KSR2: variants seen among roughly 807,000 people sequenced by gnomAD.
KSR2 encodes kinase suppressor of ras 2.
In KSR2, 25 loss-of-function variants were observed where a neutral mutation model predicts 107.8. The ratio of observed to expected loss-of-function variants is 0.23; its 90% CI spans 0.17 to 0.32. KSR2 has a LOEUF of 0.32. Ranked by LOEUF, KSR2 falls within the 10% of genes least tolerant of loss-of-function variation. The pLI, the probability that KSR2 is intolerant of heterozygous loss-of-function variation, is 1.00. For synonymous variants in KSR2, 480 were observed against 507.0 expected, an observed-to-expected ratio of 0.95 and a Z score of 0.71; for missense variants, 887 against 1,268.9, an observed-to-expected ratio of 0.70 and a Z score of 4.57.
At chr12:117,549,037 T>C (rs1877090236) in intron 9 of KSR2, among the ~76,000 whole-genome samples, 1 of 152,220 alleles carries the variant, frequency 6.6e-6, no homozygotes, top group Non-Finnish European at 1.5e-5. Flanking sequence ...TAGGCAAGGT[T>C]ATGCTGTAGT....
chr12:117,866,529 T>TA (rs777356144), intron 1 of KSR2, among the ~76,000 whole-genome samples: 3 of 152,210 alleles, frequency 2.0e-5, no homozygotes, highest in Admixed American at 6.5e-5. Context: ...ACATGTATGT[T>TA]AAAAAATTGA....
intron 1 of KSR2, among the ~76,000 whole-genome samples, chr12:117,864,534 G>A (rs899177215): frequency 2.6e-5 from 4 of 152,174 alleles, no homozygotes; most frequent in Non-Finnish European, 5.9e-5. Flanking sequence ...TAGTTTACTA[G>A]GACTGCTGTA....
intron 1 of KSR2, among the ~76,000 whole-genome samples, chr12:117,911,993 G>A (rs1895031074): frequency 6.6e-6 from 1 of 152,206 alleles, no homozygotes; most frequent in Non-Finnish European, 1.5e-5. Context: ...ACTAATGTGT[G>A]TTAAACATGT....
intron 4 of KSR2, among the ~76,000 whole-genome samples, chr12:117,760,616 G>A (rs1413596606): frequency 1.3e-5 from 2 of 152,156 alleles, no homozygotes; most frequent in African/African-American, 4.8e-5. Context: ...GCAGGGGTTG[G>A]CAAACGTTTT....
intron 14 of KSR2, among the ~76,000 whole-genome samples, chr12:117,506,765 C>T (rs1372324044): frequency 6.6e-6 from 1 of 152,126 alleles, no homozygotes; most frequent in Non-Finnish European, 1.5e-5. Context: ...GGTTCCCAGT[C>T]CTGCTTCCAT....
In KSR2 at chr12:117,968,368, G is replaced by A; in HGVS notation, c.-113C>T. The A allele has an allele frequency of 1.4e-6, 2 of 1,389,324 alleles. No individual in the cohort carries two copies. Among genetic ancestry groups the A allele is most frequent in the South Asian group, 3.5e-5 (2 of 57,284 alleles). The allele number at this position is 1,389,324 out of a possible 1,614,324, so 86.1% of individuals were successfully genotyped here. On this transcript the variant is annotated 5_prime_UTR_variant, in exon 1 of 20. Transcript: ENST00000339824. ...CCAACCACTGCGACTTCTCAACAATGTCTCATGAAGAAGAAATCCAACATC... is the reference window on the plus strand; with the variant it reads ...CCAACCACTGCGACTTCTCAACAATATCTCATGAAGAAGAAATCCAACATC...
intron 14 of KSR2, among the ~76,000 whole-genome samples, chr12:117,519,680 T>A (rs1874613248): frequency 6.6e-6 from 1 of 152,032 alleles, no homozygotes; most frequent in East Asian, 1.9e-4. Context: ...ATAGAGTGTG[T>A]GCATTTCTTT....
chr12:117,760,457 T>C (rs1211627601), intron 4 of KSR2, among the ~76,000 whole-genome samples: 1 of 151,156 alleles, frequency 6.6e-6, no homozygotes, highest in African/African-American at 2.5e-5. Context: ...TGTTAAGATA[T>C]TATAATTTTG....
At chr12:117,625,782 C>T (rs879079366) in intron 5 of KSR2, among the ~76,000 whole-genome samples, 2 of 152,126 alleles carry the variant, frequency 1.3e-5, no homozygotes, top group African/African-American at 2.4e-5. Flanking sequence ...GGAATGGTAC[C>T]AGCTCATCTT....
At chr12:117,949,007 T>A (rs924341445) in intron 1 of KSR2, among the ~76,000 whole-genome samples, 3 of 152,012 alleles carry the variant, frequency 2.0e-5, no homozygotes, top group African/African-American at 4.8e-5. Flanking sequence ...GGCAGGAGAA[T>A]CGCTTGAACC....
intron 3 of KSR2, among the ~76,000 whole-genome samples, chr12:117,819,383 G>A (rs554271952): frequency 6.6e-6 from 1 of 152,336 alleles, no homozygotes; most frequent in East Asian, 1.9e-4. Flanking sequence ...GGCGTCGTAG[G>A]TGCCTCAGGG....
At position 117,897,296 on chromosome 12, in the gene KSR2, C is replaced by A. The variant is rs1477635985; in HGVS notation, c.181-36865G>T. On this transcript the variant is annotated intron_variant, in intron 1 of 19. Coordinates refer to ENST00000339824, the MANE Select transcript of KSR2 (RefSeq NM_173598.6). The surrounding 1 kb of genome is among the most constrained non-coding windows in gnomAD (Gnocchi z 4.5). ...AGGAAATACTTGCCAACTAAGAATACCTTTGGCAGTCAGCACACCATGCTG... is the reference window on the plus strand; with the variant it reads ...AGGAAATACTTGCCAACTAAGAATAACTTTGGCAGTCAGCACACCATGCTG... Among the ~76,000 whole-genome samples, 1 of 152,136 alleles carries A rather than the reference C, an allele frequency of 6.6e-6. No homozygotes were observed. Among genetic ancestry groups the A allele is most frequent in the Non-Finnish European group, 1.5e-5 (1 of 68,034 alleles).
chr12:117,645,897 GTGTGTGTGTGTGTGT>G (rs1565942324), intron 5 of KSR2, among the ~76,000 whole-genome samples: 12 of 151,120 alleles, frequency 7.9e-5, no homozygotes, highest in African/African-American at 2.9e-4. Context: ...GTGTGTGTGT[GTGTGTGTGTGTGTGT>G]GTACAGCTGT....
chr12:117,749,945 G>C (rs1188597572), intron 4 of KSR2, among the ~76,000 whole-genome samples: 3 of 151,988 alleles, frequency 2.0e-5, no homozygotes, highest in African/African-American at 7.3e-5. Flanking sequence ...TGGGAATCTG[G>C]GGGATCAAAT....
intron 3 of KSR2, among the ~76,000 whole-genome samples, chr12:117,836,932 C>T (rs1359272858): frequency 2.0e-5 from 3 of 152,222 alleles, no homozygotes; most frequent in Admixed American, 2.0e-4. Flanking sequence ...TTTTTTCTGT[C>T]GCTTCGGAGC....
chr12:117,934,651 A>C (rs1158348132), intron 1 of KSR2, among the ~76,000 whole-genome samples: 1 of 152,192 alleles, frequency 6.6e-6, no homozygotes, highest in African/African-American at 2.4e-5. Context: ...ACTCGCAAAC[A>C]AAGGGGCTCA....
chr12:117,598,323 T>A (rs1880754025), intron 5 of KSR2, among the ~76,000 whole-genome samples: 1 of 152,252 alleles, frequency 6.6e-6, no homozygotes, highest in South Asian at 2.1e-4. Flanking sequence ...CATTTCTTTT[T>A]ATGGCTGAGT....
At chr12:117,943,633 A>C (rs1896080906) in intron 1 of KSR2, among the ~76,000 whole-genome samples, 1 of 152,022 alleles carries the variant, frequency 6.6e-6, no homozygotes, top group Admixed American at 6.6e-5. Context: ...ATGGAATATT[A>C]TTCAGTCATA....
intron 1 of KSR2, among the ~76,000 whole-genome samples, chr12:117,884,393 C>A (rs145615310): frequency 4.6e-5 from 7 of 152,324 alleles, no homozygotes; most frequent in Admixed American, 6.5e-5. Flanking sequence ...TGGCATGAAC[C>A]TTTTCAGCTC....
Sources: gnomAD v4.1 joint callset for allele counts (sites outside exome capture counted in the v4.1 genomes callset) on GRCh38, gnomAD v4.1.1 for gene constraint, Gnocchi (gnomAD v3.1) non-coding constraint, MANE v1.5 for transcripts, NCBI Gene and HGNC (gene_info 2026-07-23, HGNC 2026-07-21) for gene names.